Variants in SATB1 observed in about 807,000 individuals in gnomAD.
The protein encoded by SATB1 is DNA-binding protein SATB1.
In SATB1, 11 loss-of-function variants were observed where a neutral mutation model predicts 86.9. That is an observed-to-expected ratio of 0.13 (90% CI 0.08 to 0.21). SATB1 has a LOEUF of 0.21. Among genes scored for constraint, SATB1 ranks in the 10% least tolerant of loss-of-function variants. SATB1 has a pLI of 1.00. For missense variants in SATB1, 551 were observed against 937.6 expected (o/e 0.59, Z 5.39); for synonymous variants, 357 against 357.2 (o/e 1.00, Z 0.01).
At chr3:18,437,806 A>G (rs1335310715) in intron 1 of SATB1, among the ~76,000 whole-genome samples, 1 of 152,182 alleles carries the variant, frequency 6.6e-6, no homozygotes, top group Non-Finnish European at 1.5e-5. Context: ...ATACAATGGG[A>G]AGCATTTGGA....
At chr3:18,359,532 T>A (rs1694807538) in intron 9 of SATB1, among the ~76,000 whole-genome samples, 1 of 152,088 alleles carries the variant, frequency 6.6e-6, no homozygotes, top group Non-Finnish European at 1.5e-5. Context: ...AAATACCTAA[T>A]TTGAAAGTTT....
intron 9 of SATB1, 56 bp downstream of exon 9, chr3:18,378,114 G>A (rs1355657012): frequency 1.4e-6 from 2 of 1,446,916 alleles, no homozygotes; most frequent in South Asian, 3.0e-5. Flanking sequence ...TCCTTTTAAT[G>A]AAAATTCTAC....
chr3:18,440,262 G>A (rs1181155784), upstream of SATB1, among the ~76,000 whole-genome samples: 1 of 152,166 alleles, frequency 6.6e-6, no homozygotes, highest in Non-Finnish European at 1.5e-5. Context: ...TATAGTTGAG[G>A]TATGCAAAGT....
At chr3:18,413,893 G>A (rs959738705) in intron 5 of SATB1, among the ~76,000 whole-genome samples, 2 of 152,060 alleles carry the variant, frequency 1.3e-5, no homozygotes, top group Non-Finnish European at 2.9e-5. Context: ...GTGTTGGAAC[G>A]TAACTTAGCA....
At chr3:18,358,864 A>AC (rs1694777938) in intron 9 of SATB1, among the ~76,000 whole-genome samples, 5 of 152,074 alleles carry the variant, frequency 3.3e-5, no homozygotes, top group Admixed American at 3.3e-4. Context: ...CTTAGCCAAA[A>AC]ATTTGTGCGT....
At chr3:18,445,080 C>A (rs1213771073) in intron 1 of SATB1, 7 of 401,836 alleles carry the variant, frequency 1.7e-5, no homozygotes, top group African/African-American at 1.5e-4. Context: ...CCAGACGTGG[C>A]GCTTCGGACC....
At chr3:18,384,615 G>A (rs906386985) in intron 8 of SATB1, among the ~76,000 whole-genome samples, 1 of 152,138 alleles carries the variant, frequency 6.6e-6, no homozygotes, top group Non-Finnish European at 1.5e-5. Context: ...ACTAATAAAA[G>A]TGTGTGTATT....
rs940711522 is a variant in SATB1 at position 18,352,657 on chromosome 3, G to A, written c.1576-462C>T. The A allele has an allele frequency of 6.1e-5, 11 of 179,730 alleles. No individual in the cohort carries two copies. The highest frequency in any genetic ancestry group is 1.2e-4 in the Non-Finnish European group (10 of 83,472). 11.1% of individuals were successfully genotyped at this position (179,730 alleles called of 1,614,324 possible). On this transcript the variant is annotated intron_variant, in intron 9 of 10. Coordinates refer to ENST00000338745, the MANE Select transcript of SATB1 (RefSeq NM_002971.6). This position sits in a 1 kb window ranked among gnomAD's most constrained non-coding sequence, Gnocchi z 4.1. ...TTTTGGATTTGAAAGAAAACTGTGT[G>A]TGAATATTTATGTGTGTACATGTAT...
rs1300266388 is a variant in SATB1 at position 18,444,293 on chromosome 3, T to C, written c.-25+1225A>G. On this transcript the variant is annotated intron_variant, in intron 1 of 3. Transcript: ENST00000415069. The surrounding 1 kb of genome is among the most constrained non-coding windows in gnomAD (Gnocchi z 5.1). Reference sequence around the variant, plus strand: ...CATACCGGTGACCTGAAGGAGTTTGTTCAGCCAGGGTCTATTGGGCAGGTG... The same window carrying C: ...CATACCGGTGACCTGAAGGAGTTTGCTCAGCCAGGGTCTATTGGGCAGGTG... Among the ~76,000 whole-genome samples the C allele has an allele frequency of 1.3e-5, 2 of 151,948 alleles. No individual in the cohort carries two copies. The highest frequency in any genetic ancestry group is 4.8e-5 in the African/African-American group (2 of 41,364).
intron 9 of SATB1, among the ~76,000 whole-genome samples, chr3:18,373,679 C>T (rs1231162574): frequency 6.6e-6 from 1 of 152,096 alleles, no homozygotes; most frequent in Non-Finnish European, 1.5e-5. Context: ...TATTCTTTTT[C>T]TCTCTTTCAT....
chr3:18,358,419 A>C (rs1258174279), intron 9 of SATB1, among the ~76,000 whole-genome samples: 4 of 152,060 alleles, frequency 2.6e-5, no homozygotes, highest in African/African-American at 7.2e-5. Flanking sequence ...CCTCTATGGA[A>C]TTAGTAGGAA....
At chr3:18,404,875 T>A (rs1697444496) in intron 5 of SATB1, among the ~76,000 whole-genome samples, 1 of 151,972 alleles carries the variant, frequency 6.6e-6, no homozygotes, top group Non-Finnish European at 1.5e-5. Context: ...GCATGTGATA[T>A]TCCAAATTAA....
intron 4 of SATB1, 121 bp from the exon 5 acceptor site, chr3:18,415,355 C>T (rs1370787542): frequency 1.2e-5 from 14 of 1,132,344 alleles, no homozygotes; most frequent in African/African-American, 3.1e-5. Flanking sequence ...AGATTGCTCT[C>T]GGTCTCCTGA....
At position 18,352,070 on chromosome 3, in the gene SATB1, A is replaced by G. The variant is rs1694393261; in HGVS notation, c.1701T>C (p.Tyr567=). 1 of 1,614,138 alleles carries G rather than the reference A, an allele frequency of 6.2e-7. No homozygotes were observed. The highest frequency in any genetic ancestry group is 1.3e-5 in the African/African-American group (1 of 74,934). Residue 567 remains tyrosine, a synonymous_variant, in exon 10 of 11, where the codon TAT becomes TAC. Transcript: ENST00000338745. This position sits in a 1 kb window ranked among gnomAD's most constrained non-coding sequence, Gnocchi z 4.1. ...GATGCACCGCGTTGCTCTCCTGTTC[A>G]TAAATGGCATCACGTTCTGGCTGAG... The part of the protein sequence containing the change: ...SLPQPERDAI[Y]EQESNAVHHH...
chr3:18,434,737 A>G (rs1010953302), intron 2 of SATB1, among the ~76,000 whole-genome samples: 6 of 151,862 alleles, frequency 4.0e-5, no homozygotes, highest in Non-Finnish European at 8.8e-5. Flanking sequence ...AAGATCACAT[A>G]AAAAATCTCT....
upstream of SATB1, among the ~76,000 whole-genome samples, chr3:18,440,971 T>C (rs1037747289): frequency 6.6e-6 from 1 of 152,198 alleles, no homozygotes; most frequent in Non-Finnish European, 1.5e-5. Flanking sequence ...TTACTCGAGA[T>C]AGTCCTCATT....
rs995281651 is a variant in SATB1 at position 18,415,369 on chromosome 3, T to C, written c.516-135A>G. On this transcript the variant is annotated intron_variant, in intron 4 of 10. Coordinates refer to ENST00000338745, the MANE Select transcript of SATB1 (RefSeq NM_002971.6). ...GAGATTGCTCTCGGTCTCCTGATTG[T>C]TCCGATTAGTTAATTACTTTATACA... 3 of 949,474 alleles carry C rather than the reference T, an allele frequency of 3.2e-6. No homozygotes were observed. The African/African-American group carries it at 5.0e-5, about 16-fold the overall frequency. The allele number at this position is 949,474 out of a possible 1,614,324, so 58.8% of individuals were successfully genotyped here. A position where few individuals can be genotyped will look rare whatever the true frequency, so the allele number is the denominator to read the frequency against.
intron 1 of SATB1, among the ~76,000 whole-genome samples, chr3:18,422,393 C>T (rs1056795169): frequency 1.3e-5 from 2 of 152,100 alleles, no homozygotes; most frequent in Non-Finnish European, 2.9e-5. Context: ...TAAAAGCAAC[C>T]TTAAGAATGC....
At chr3:18,389,716 G>C (rs1205575771) in intron 7 of SATB1, among the ~76,000 whole-genome samples, 1 of 152,072 alleles carries the variant, frequency 6.6e-6, no homozygotes, top group African/African-American at 2.4e-5. Flanking sequence ...TATGTCATCA[G>C]TATCAAGAAT....
Sources: gnomAD v4.1 joint callset for allele counts (sites outside exome capture counted in the v4.1 genomes callset) on GRCh38, gnomAD v4.1.1 for gene constraint, Gnocchi (gnomAD v3.1) non-coding constraint, MANE v1.5 for transcripts, NCBI Gene and HGNC (gene_info 2026-07-23, HGNC 2026-07-21) for gene names.